The following CAMK2D variants were observed in gnomAD, a reference collection of about 807,000 sequenced individuals.
The protein encoded by CAMK2D is calcium/calmodulin dependent protein kinase II delta.
CAMK2D carries 37 observed loss-of-function variants against 84.0 expected under a neutral mutation model. The ratio of observed to expected loss-of-function variants is 0.44; its 90% CI spans 0.34 to 0.58. CAMK2D has a LOEUF of 0.58. CAMK2D is among the 20% of genes least tolerant of loss of function. The probability of loss-of-function intolerance (pLI) is 0.02; values close to 1 mark genes in which losing one functional copy is unlikely to be tolerated. For missense variants in CAMK2D, 448 were observed against 652.5 expected (o/e 0.69, Z 3.41); for synonymous variants, 202 against 212.5 (o/e 0.95, Z 0.43).
At chr4:113,631,098 T>G (rs2099087741) in intron 3 of CAMK2D, among the ~76,000 whole-genome samples, 1 of 152,172 alleles carries the variant, frequency 6.6e-6, no homozygotes, top group Admixed American at 6.5e-5. Context: ...ATCTATTCAT[T>G]TAAACCAGAG....
At chr4:113,502,271 T>C (rs1480509246) in intron 15 of CAMK2D, among the ~76,000 whole-genome samples, 2 of 151,948 alleles carry the variant, frequency 1.3e-5, no homozygotes, top group African/African-American at 4.8e-5. Flanking sequence ...ATAGGAAACA[T>C]TTAGTCTTCT....
chr4:113,589,258 A>C (rs1431311986), intron 4 of CAMK2D, among the ~76,000 whole-genome samples: 1 of 152,156 alleles, frequency 6.6e-6, no homozygotes, highest in African/African-American at 2.4e-5. Flanking sequence ...AGGTGAGGGT[A>C]GAAAGAGGAA....
chr4:113,560,155 T>C (rs1029506853), intron 4 of CAMK2D, among the ~76,000 whole-genome samples: 16 of 152,058 alleles, frequency 1.1e-4, no homozygotes, highest in Admixed American at 1.3e-4. Flanking sequence ...GCTATTTAAA[T>C]GGTCCTTCTT....
rs1218685448 is a variant in CAMK2D at position 113,453,391 on chromosome 4, A to C, written c.*1154T>G. On this transcript the variant is annotated 3_prime_UTR_variant, in exon 21 of 21. Coordinates refer to ENST00000511664, the MANE Select transcript of CAMK2D (RefSeq NM_001321571.2). Reference sequence around the variant, plus strand: ...GCGTTTGCATAAAACCCCCTCTGCTATCAAGTTGGTATCCTCCTGGCAACT... The same window carrying C: ...GCGTTTGCATAAAACCCCCTCTGCTCTCAAGTTGGTATCCTCCTGGCAACT... 6.6e-6 allele frequency: 1 copy of C among 152,184 alleles called. No individual in the cohort carries two copies. Among genetic ancestry groups the C allele is most frequent in the Non-Finnish European group, 1.5e-5 (1 of 68,048 alleles). 9.4% of individuals were successfully genotyped at this position (152,184 alleles called of 1,614,324 possible). A position where few individuals can be genotyped will look rare whatever the true frequency, so the allele number is the denominator to read the frequency against.
At chr4:113,536,846 A>G (rs1248991097) in intron 7 of CAMK2D, among the ~76,000 whole-genome samples, 3 of 152,222 alleles carry the variant, frequency 2.0e-5, no homozygotes, top group African/African-American at 4.8e-5. Flanking sequence ...AAGACATACA[A>G]AATAACTAAG....
At chr4:113,678,053 G>T (rs2099326128) in intron 2 of CAMK2D, among the ~76,000 whole-genome samples, 1 of 152,134 alleles carries the variant, frequency 6.6e-6, no homozygotes, top group South Asian at 2.1e-4. Context: ...TAATTTGATT[G>T]TTCTGGTCAG....
intron 2 of CAMK2D, among the ~76,000 whole-genome samples, chr4:113,667,782 G>T (rs903617166): frequency 5.3e-5 from 8 of 152,058 alleles, no homozygotes; most frequent in Non-Finnish European, 1.0e-4. Flanking sequence ...TCATAAATTT[G>T]AATTTTTAAC....
At chr4:113,596,617 C>T (rs571921546) in intron 4 of CAMK2D, among the ~76,000 whole-genome samples, 1 of 152,194 alleles carries the variant, frequency 6.6e-6, no homozygotes, top group East Asian at 1.9e-4. Context: ...CGTCAGAGCT[C>T]TTGGGCAACT....
intron 16 of CAMK2D, among the ~76,000 whole-genome samples, chr4:113,468,747 A>C (rs2154115542): frequency 6.6e-6 from 1 of 152,204 alleles, no homozygotes; most frequent in South Asian, 2.1e-4. Flanking sequence ...GTAATAAATA[A>C]CCACTCCAAA....
At chr4:113,730,371 T>C (rs1485057369) in intron 2 of CAMK2D, among the ~76,000 whole-genome samples, 1 of 152,218 alleles carries the variant, frequency 6.6e-6, no homozygotes, top group East Asian at 1.9e-4. Context: ...GTAGTAAGGC[T>C]AGAAAGTCTC....
intron 2 of CAMK2D, among the ~76,000 whole-genome samples, chr4:113,684,550 G>A (rs1328008400): frequency 2.0e-5 from 3 of 152,154 alleles, no homozygotes; most frequent in African/African-American, 7.2e-5. Context: ...GACTTGCTCA[G>A]AACAAGGGAA....
At chr4:113,627,496 TAA>T (rs2099072901) in intron 3 of CAMK2D, among the ~76,000 whole-genome samples, 1 of 152,166 alleles carries the variant, frequency 6.6e-6, no homozygotes, top group Middle Eastern at 3.2e-3. Flanking sequence ...TGTTTCTGTT[TAA>T]AGAGATCTTA....
intron 7 of CAMK2D, among the ~76,000 whole-genome samples, chr4:113,533,075 G>A (rs2098468797): frequency 6.6e-6 from 1 of 151,970 alleles, no homozygotes; most frequent in Non-Finnish European, 1.5e-5. Context: ...AGTACGAAAT[G>A]TTAACAATAC....
chr4:113,693,952 A>G (rs1276105333), intron 2 of CAMK2D, among the ~76,000 whole-genome samples: 1 of 152,188 alleles, frequency 6.6e-6, no homozygotes. Flanking sequence ...GAATTTTAAT[A>G]TATCTACTCA....
At chr4:113,493,716 T>C (rs2097881097) in intron 16 of CAMK2D, among the ~76,000 whole-genome samples, 1 of 152,068 alleles carries the variant, frequency 6.6e-6, no homozygotes, top group Admixed American at 6.5e-5. Context: ...GAAGTTCTCC[T>C]GGATAATATC....
chr4:113,702,199 A>G (rs2099420665), intron 2 of CAMK2D, among the ~76,000 whole-genome samples: 1 of 152,182 alleles, frequency 6.6e-6, no homozygotes, highest in Non-Finnish European at 1.5e-5. Flanking sequence ...CTTTCACTAG[A>G]GTGTAAGATG....
At chr4:113,653,164 T>C (rs1262170051) in intron 3 of CAMK2D, among the ~76,000 whole-genome samples, 1 of 152,068 alleles carries the variant, frequency 6.6e-6, no homozygotes, top group Admixed American at 6.6e-5. Context: ...TGGCACCATA[T>C]TGTATAAACA....
At chr4:113,755,646 T>C (rs2099626933) in intron 2 of CAMK2D, among the ~76,000 whole-genome samples, 1 of 150,406 alleles carries the variant, frequency 6.6e-6, no homozygotes, top group Non-Finnish European at 1.5e-5. Flanking sequence ...TATTTCTAAA[T>C]TATCTGCCAT....
intron 2 of CAMK2D, among the ~76,000 whole-genome samples, chr4:113,695,397 A>C (rs933399989): frequency 6.6e-6 from 1 of 152,072 alleles, no homozygotes; most frequent in Non-Finnish European, 1.5e-5. Flanking sequence ...TCCAAGGGTC[A>C]ACTCTCTATC....
Sources: gnomAD v4.1 joint callset for allele counts (sites outside exome capture counted in the v4.1 genomes callset) on GRCh38, gnomAD v4.1.1 for gene constraint, MANE v1.5 for transcripts, NCBI Gene and HGNC (gene_info 2026-07-23, HGNC 2026-07-21) for gene names.